The following ITGAL variants were observed in gnomAD, a reference collection of about 807,000 sequenced individuals.
ITGAL encodes the protein integrin subunit alpha L, also known as integrin alpha-L.
Under a neutral mutation model 138.4 loss-of-function variants are expected in ITGAL, and 68 were observed. The observed-to-expected ratio is 0.49, with a 90% CI of 0.40 to 0.60. ITGAL has a LOEUF of 0.60. Ranked by LOEUF, ITGAL falls within the 20% of genes least tolerant of loss-of-function variation. The pLI is 0.00. For synonymous variants in ITGAL, 561 were observed against 584.3 expected, an observed-to-expected ratio of 0.96 and a Z score of 0.57; for missense variants, 1,256 against 1,478.6, an observed-to-expected ratio of 0.85 and a Z score of 2.47.
At chr16:30,503,484 G>A (rs2050936810) in intron 17 of ITGAL, among the ~76,000 whole-genome samples, 1 of 136,082 alleles carries the variant, frequency 7.3e-6, no homozygotes, top group African/African-American at 2.6e-5. Context: ...AAGGAGGGAG[G>A]ATGAAAGAGA....
At chr16:30,516,568 T>C (rs891509897) in intron 25 of ITGAL, among the ~76,000 whole-genome samples, 1 of 152,052 alleles carries the variant, frequency 6.6e-6, no homozygotes, top group African/African-American at 2.4e-5. Flanking sequence ...GGAGTAAGAA[T>C]GGCTCCTGTC....
chr16:30,473,031 A>G, intron 1 of ITGAL, 133 bp downstream of exon 1: 2 of 757,622 alleles, frequency 2.6e-6, no homozygotes, highest in South Asian at 3.2e-5. Context: ...GGGCCCAGGG[A>G]TCTTGGAAGG....
chr16:30,478,654 T>C (rs2050507610), intron 4 of ITGAL, among the ~76,000 whole-genome samples: 1 of 133,386 alleles, frequency 7.5e-6, no homozygotes, highest in African/African-American at 3.0e-5. Flanking sequence ...GCCGAGATCA[T>C]GCCATGCAGT....
At chr16:30,493,147 A>G (rs1355054037) in intron 11 of ITGAL, among the ~76,000 whole-genome samples, 2 of 152,026 alleles carry the variant, frequency 1.3e-5, no homozygotes, top group East Asian at 1.9e-4. Flanking sequence ...CGGCTTCCCA[A>G]AATGTTAGGA....
intron 2 of ITGAL, 103 bp from the exon 3 acceptor site, chr16:30,475,203 G>A: frequency 1.2e-6 from 1 of 860,368 alleles, no homozygotes. Context: ...AATGGCTGCA[G>A]TGCTTGGAGA....
intron 20 of ITGAL, 62 bp from the exon 21 acceptor site, chr16:30,506,653 C>A: frequency 7.7e-7 from 1 of 1,300,408 alleles, no homozygotes; most frequent in Non-Finnish European, 1.1e-6. Flanking sequence ...CCAGATCCCT[C>A]AGTTCTGATA....
chr16:30,479,648 C>CTTTTTTTTTT (rs59770529), intron 6 of ITGAL, among the ~76,000 whole-genome samples, 187 bp downstream of exon 6: 4 of 72,862 alleles, frequency 5.5e-5, no homozygotes, highest in African/African-American at 1.7e-4. Flanking sequence ...TTCTCATTTC[C>CTTTTTTTTTT]TTTTTTTTTT....
rs187112828 is a variant in ITGAL, at chr16:30,494,902, G to A, written c.1503+52G>A. ...GGAGGAGGGAGAGCAGCAGAGATTCGCAGCTCCCAGTTATTCTGAAGGCTT... is the reference window on the plus strand; with the variant it reads ...GGAGGAGGGAGAGCAGCAGAGATTCACAGCTCCCAGTTATTCTGAAGGCTT... On this transcript the variant is annotated intron_variant, in intron 13 of 30. Transcript: ENST00000356798. The surrounding 1 kb of genome is among the most constrained non-coding windows in gnomAD (Gnocchi z 4.2). 61 of 1,525,350 alleles carry A rather than the reference G, an allele frequency of 4.0e-5. No homozygotes were observed. The African/African-American group carries it at 4.6e-4, about 11-fold the overall frequency. The allele number at this position is 1,525,350 out of a possible 1,614,324, so 94.5% of individuals were successfully genotyped here.
At chr16:30,473,892 C>T (rs1567459090) in intron 1 of ITGAL, 1 of 532,388 alleles carries the variant, frequency 1.9e-6, no homozygotes, top group Admixed American at 2.2e-5. Context: ...ACTTGGTCAC[C>T]CTCTGCCTTG....
At chr16:30,484,582 C>T (rs1205096995) in intron 9 of ITGAL, among the ~76,000 whole-genome samples, 1 of 151,504 alleles carries the variant, frequency 6.6e-6, no homozygotes, top group Non-Finnish European at 1.5e-5. Flanking sequence ...TGCACTCCAG[C>T]CTGGGTGGCA....
intron 20 of ITGAL, 80 bp from the exon 21 acceptor site, chr16:30,506,635 C>G (rs2051002565): frequency 1.4e-6 from 1 of 715,760 alleles, no homozygotes; most frequent in Admixed American, 3.3e-5. Flanking sequence ...TTATTTCTTT[C>G]TGGCCCACCA....
Position 30,496,208 on chromosome 16 carries a change from G to A in ITGAL, c.1615G>A (p.Val539Met), listed in dbSNP as rs748813495. ...TDINGDGLVD[V>M]AVGAPLEEQG... is the part of the protein sequence containing the mutation. ...CATCAACGGCGATGGGCTGGTAGAC[G>A]TGGCTGTGGGGGCCCCTCTGGAGGA... is the stretch of plus-strand genomic sequence containing the variant. The change falls in exon 14 of 31, where the codon GTG becomes ATG. Residue 539 changes from valine to methionine, a missense_variant. By Grantham distance (21) the Val-to-Met change is conservative. Coordinates refer to ENST00000356798, the MANE Select transcript of ITGAL (RefSeq NM_002209.3). The A allele has an allele frequency of 3.7e-6, 6 of 1,613,708 alleles. No homozygotes were observed. Among genetic ancestry groups the A allele is most frequent in the African/African-American group, 1.3e-5 (1 of 74,916 alleles).
chr16:30,513,833 A>G lies in ITGAL; in HGVS notation c.2849A>G (p.Lys950Arg). 6.2e-7 allele frequency: 1 copy of G among 1,610,710 alleles called. No homozygotes were observed. Among genetic ancestry groups the G allele is most frequent in the Non-Finnish European group, 8.5e-7 (1 of 1,176,848 alleles). ...TPKGPKIHQV[K>R]HMYQVRIQPS... ...AAAGGCCCCAAGATCCACCAAGTCA[A>G]GCACATGTACCAGGTATGAATCCCA... The change falls in exon 25 of 31, where the codon AAG becomes AGG. Residue 950 changes from lysine (K) to arginine (R), a missense_variant. By Grantham distance (26) the Lys-to-Arg change is conservative. Transcript: ENST00000356798.
intron 29 of ITGAL, 48 bp downstream of exon 29, chr16:30,518,767 C>A (rs754579905): frequency 7.3e-7 from 1 of 1,378,232 alleles, no homozygotes; most frequent in African/African-American, 1.4e-5. Flanking sequence ...CAGAGGGAGC[C>A]CAGGAGCCCC....
chr16:30,520,751 AG>A (rs947502050), intron 30 of ITGAL, among the ~76,000 whole-genome samples: 2 of 152,110 alleles, frequency 1.3e-5, no homozygotes, highest in African/African-American at 4.8e-5. Flanking sequence ...GCCTCCCAGG[AG>A]AGGTGGCATT....
chr16:30,479,274 TG>T lies in ITGAL; in HGVS notation c.446-54del, dbSNP rs1465075711. 1.5e-5 allele frequency: 24 copies of T among 1,613,152 alleles called. No individual in the cohort carries two copies. The South Asian group carries it at 2.5e-4, about 17-fold the overall frequency. On this transcript the variant is annotated intron_variant, in intron 5 of 30. Coordinates refer to ENST00000356798, the MANE Select transcript of ITGAL (RefSeq NM_002209.3). Reference sequence around the variant, plus strand: ...TGGCTGTCCCTAGAGAGAACCAGCATGGGCAGGTCAAACACCAGAGATGCTT... The same window carrying T: ...TGGCTGTCCCTAGAGAGAACCAGCATGGCAGGTCAAACACCAGAGATGCTT...
At chr16:30,518,309 C>T (rs1005704936) in intron 28 of ITGAL, among the ~76,000 whole-genome samples, 4 of 151,870 alleles carry the variant, frequency 2.6e-5, no homozygotes, top group South Asian at 4.1e-4. Flanking sequence ...TTTAGCCGGG[C>T]GTGGTGGCAC....
chr16:30,499,108 T>C lies in ITGAL; in HGVS notation c.1867T>C (p.Ser623Pro), dbSNP rs2050846424. The C allele has an allele frequency of 1.2e-6, 2 of 1,613,960 alleles. No homozygotes were observed. The highest frequency in any genetic ancestry group is 2.7e-5 in the African/African-American group (2 of 74,906). ...CGTGGTGGATATGGTCACCCTGATG[T>C]CCTTCTCTCCAGCTGAGATCCCAGT... ...RPVVDMVTLMSFSPAEIPVHE... is the reference protein window; with the variant it reads ...RPVVDMVTLMPFSPAEIPVHE... The change falls in exon 16 of 31, where the codon TCC becomes CCC. Residue 623 changes from serine to proline, a missense_variant. Coordinates refer to ENST00000356798, the MANE Select transcript of ITGAL (RefSeq NM_002209.3).
intron 21 of ITGAL, among the ~76,000 whole-genome samples, chr16:30,508,748 A>T (rs1454045927): frequency 6.6e-6 from 1 of 152,010 alleles, no homozygotes. Context: ...TAGTCCTGCT[A>T]CTCAGGAGGC....
Sources: gnomAD v4.1 joint callset for allele counts (sites outside exome capture counted in the v4.1 genomes callset) on GRCh38, gnomAD v4.1.1 for gene constraint, Gnocchi (gnomAD v3.1) non-coding constraint, MANE v1.5 for transcripts, NCBI Gene and HGNC (gene_info 2026-07-23, HGNC 2026-07-21) for gene names.